Variants in PSMA8 observed in about 807,000 individuals in gnomAD.
PSMA8 encodes the protein proteasome 20S subunit alpha 8.
In PSMA8, 18 loss-of-function variants were observed where a neutral mutation model predicts 32.4. The observed-to-expected ratio is 0.56, with a 90% CI of 0.38 to 0.82. The LOEUF (loss-of-function observed/expected upper bound fraction) is 0.82, where lower values mean the gene tolerates loss of function less well. PSMA8 is among the 40% of genes least tolerant of loss of function. The probability of loss-of-function intolerance (pLI) is 0.00; values close to 1 mark genes in which losing one functional copy is unlikely to be tolerated. For synonymous variants in PSMA8, 104 were observed against 98.1 expected (o/e 1.06, Z -0.36); for missense variants, 298 against 300.7 (o/e 0.99, Z 0.07).
rs116610314 is a variant in PSMA8, at chr18:26,146,563, G to A, written c.229+1878G>A. Among the ~76,000 whole-genome samples the A allele has an allele frequency of 5.2e-3, 788 of 152,074 alleles. 6 individuals are homozygous for A. The highest frequency in any genetic ancestry group is 0.018 in the African/African-American group (741 of 41,452). On this transcript the variant is annotated intron_variant, in intron 2 of 6. Coordinates refer to ENST00000415576, the MANE Select transcript of PSMA8 (RefSeq NM_001025096.2). Reference sequence around the variant, plus strand: ...GCAGATCATTTGAGCCCAAAAGTTCGAGCCTGTCTGAGCAACATGGTGAAA... The same window carrying A: ...GCAGATCATTTGAGCCCAAAAGTTCAAGCCTGTCTGAGCAACATGGTGAAA...
chr18:26,134,340 G>GTGTGTGTGTGTGTGTGTGTGTGTGT (rs2054891597), intron 1 of PSMA8, among the ~76,000 whole-genome samples: 3 of 135,110 alleles, frequency 2.2e-5, no homozygotes, highest in African/African-American at 1.0e-4. Context: ...TGTGTGTGTG[G>GTGTGTGTGTGTGTGTGTGTGTGTGT]GTGTGTGTGT....
intron 6 of PSMA8, among the ~76,000 whole-genome samples, chr18:26,191,300 T>G (rs1450178924): frequency 6.6e-6 from 1 of 152,148 alleles, no homozygotes. Context: ...ATTTAGATTT[T>G]TGTATATAAA....
intron 1 of PSMA8, chr18:26,139,903 A>G: frequency 3.5e-6 from 2 of 573,810 alleles, no homozygotes; most frequent in South Asian, 2.4e-5. Context: ...GAACTTCTCA[A>G]TTTGTTCGCA....
intron 2 of PSMA8, among the ~76,000 whole-genome samples, chr18:26,146,562 C>T (rs972711064): frequency 1.3e-5 from 2 of 151,962 alleles, no homozygotes; most frequent in Admixed American, 6.6e-5. Flanking sequence ...CCCAAAAGTT[C>T]GAGCCTGTCT....
At chr18:26,174,405 G>A (rs1316316057) in intron 4 of PSMA8, among the ~76,000 whole-genome samples, 1 of 152,150 alleles carries the variant, frequency 6.6e-6, no homozygotes, top group African/African-American at 2.4e-5. Flanking sequence ...CTGGCCATTA[G>A]CACTCAAATT....
At chr18:26,188,126 C>G (rs2055371381) in intron 6 of PSMA8, among the ~76,000 whole-genome samples, 1 of 151,466 alleles carries the variant, frequency 6.6e-6, no homozygotes, top group Non-Finnish European at 1.5e-5. Context: ...AAATCAGTAA[C>G]TAGAGGAATT....
At chr18:26,143,542 C>T (rs943012480) in intron 1 of PSMA8, among the ~76,000 whole-genome samples, 9 of 152,042 alleles carry the variant, frequency 5.9e-5, no homozygotes, top group East Asian at 1.9e-4. Context: ...CAGTAAACAA[C>T]GAGGTATGAA....
intron 2 of PSMA8, among the ~76,000 whole-genome samples, chr18:26,150,099 C>T (rs537745183): frequency 2.0e-5 from 3 of 152,218 alleles, no homozygotes; most frequent in Non-Finnish European, 2.9e-5. Flanking sequence ...CTCATTGGAG[C>T]CTTTTGGATT....
At position 26,190,849 on chromosome 18, in the gene PSMA8, T is replaced by A. The variant is rs2055396849; in HGVS notation, c.661-1470T>A. ...TTTATTCAGGTTTGTATTGTAATGATCTATTTATATGCCAGTTTTTTTCCA... is the reference window on the plus strand; with the variant it reads ...TTTATTCAGGTTTGTATTGTAATGAACTATTTATATGCCAGTTTTTTTCCA... On this transcript the variant is annotated intron_variant, in intron 6 of 6. Coordinates refer to ENST00000415576, the MANE Select transcript of PSMA8 (RefSeq NM_001025096.2). Among the ~76,000 whole-genome samples the A allele has an allele frequency of 3.3e-5, 5 of 152,358 alleles. No individual in the cohort carries two copies. In the South Asian group the frequency reaches 1.0e-3, roughly 32 times the overall value.
chr18:26,144,331 G>T (rs1047008019), intron 1 of PSMA8, among the ~76,000 whole-genome samples: 12 of 152,080 alleles, frequency 7.9e-5, no homozygotes, highest in Non-Finnish European at 1.6e-4. Context: ...TTTCAGCATT[G>T]GTGGTATTTT....
chr18:26,182,465 T>C (rs953349103), intron 6 of PSMA8, among the ~76,000 whole-genome samples: 2 of 152,176 alleles, frequency 1.3e-5, no homozygotes, highest in African/African-American at 4.8e-5. Flanking sequence ...TATAGCATAG[T>C]ATACTGAATA....
intron 4 of PSMA8, among the ~76,000 whole-genome samples, chr18:26,166,985 T>C (rs149378930): frequency 2.6e-5 from 4 of 152,278 alleles, no homozygotes; most frequent in Non-Finnish European, 5.9e-5. Flanking sequence ...GTAAACCAGT[T>C]TTCCAAATGA....
intron 4 of PSMA8, among the ~76,000 whole-genome samples, chr18:26,161,369 A>C (rs549146155): frequency 5.9e-5 from 9 of 152,236 alleles, no homozygotes; most frequent in Non-Finnish European, 1.3e-4. Context: ...CTTATAGAAC[A>C]GAACCCTATC....
At chr18:26,192,238 A>C in intron 6 of PSMA8, 81 bp from the exon 7 acceptor site, 1 of 1,107,620 alleles carries the variant, frequency 9.0e-7, no homozygotes, top group Non-Finnish European at 1.2e-6. Flanking sequence ...TAAATTTATT[A>C]AATATTGGAA....
intron 6 of PSMA8, among the ~76,000 whole-genome samples, chr18:26,187,623 A>G (rs1475957147): frequency 7.9e-5 from 12 of 152,192 alleles, no homozygotes; most frequent in Non-Finnish European, 1.6e-4. Context: ...AAAAAGAGCC[A>G]GAGTCACTAT....
In PSMA8 at chr18:26,149,127, T is replaced by A. The variant is rs146987780; in HGVS notation, c.230-2731T>A. Among the ~76,000 whole-genome samples the A allele has an allele frequency of 9.2e-3, 1,405 of 152,140 alleles. 10 individuals are homozygous for A. Among genetic ancestry groups the A allele is most frequent in the East Asian group, 0.019 (100 of 5,176 alleles). ...CAAAGTGTTACAATAAAGGTGTGAG[T>A]CACCACACCAAGCCCCAAATCATTT... On this transcript the variant is annotated intron_variant, in intron 2 of 6. Transcript: ENST00000415576.
chr18:26,178,488 A>T (rs2144343746), intron 4 of PSMA8, among the ~76,000 whole-genome samples: 1 of 152,116 alleles, frequency 6.6e-6, no homozygotes, highest in East Asian at 1.9e-4. Flanking sequence ...AGTCCCAGCT[A>T]CTCAGGAGGT....
intron 2 of PSMA8, among the ~76,000 whole-genome samples, chr18:26,146,809 A>G (rs2055006750): frequency 6.6e-6 from 1 of 152,156 alleles, no homozygotes; most frequent in Non-Finnish European, 1.5e-5. Context: ...AAAAACAACA[A>G]CAACAAAACA....
At chr18:26,140,912 T>C (rs1314388040) in intron 1 of PSMA8, among the ~76,000 whole-genome samples, 3 of 152,222 alleles carry the variant, frequency 2.0e-5, no homozygotes, top group African/African-American at 7.2e-5. Context: ...TTGTCTTTTC[T>C]TGAATCAACA....
Sources: allele counts gnomAD v4.1 joint callset (sites outside exome capture counted in the v4.1 genomes callset), GRCh38; gene constraint gnomAD v4.1.1; transcripts MANE v1.5; gene names NCBI Gene and HGNC (gene_info 2026-07-23, HGNC 2026-07-21).